The following LRRC27 variants were observed in gnomAD, a reference collection of about 807,000 sequenced individuals.
LRRC27 encodes leucine-rich repeat-containing protein 27.
A neutral mutation model predicts 55.0 loss-of-function variants in LRRC27; 57 were observed. That is an observed-to-expected ratio of 1.04 (90% CI 0.84 to 1.29). The LOEUF (loss-of-function observed/expected upper bound fraction) is 1.29. LRRC27 is among the 50% of genes most tolerant of loss of function. The pLI, the probability that LRRC27 is intolerant of heterozygous loss-of-function variation, is 0.00. For synonymous variants in LRRC27, 278 were observed against 251.9 expected, an observed-to-expected ratio of 1.10 and a Z score of -0.98; for missense variants, 721 against 651.5, an observed-to-expected ratio of 1.11 and a Z score of -1.16.
intron 10 of LRRC27, among the ~76,000 whole-genome samples, chr10:132,369,999 G>C (rs1243089941): frequency 6.6e-6 from 1 of 152,106 alleles, no homozygotes; most frequent in Non-Finnish European, 1.5e-5. Context: ...GTGCCACCTA[G>C]GAGGAAGGCG....
chr10:132,359,054 A>T (rs1467246688), intron 8 of LRRC27, among the ~76,000 whole-genome samples: 2 of 47,848 alleles, frequency 4.2e-5, no homozygotes, highest in African/African-American at 8.4e-5. Flanking sequence ...TGTGGGGAGG[A>T]GCCGAGGTGG....
In LRRC27 at chr10:132,377,519, G is replaced by C. The variant is rs907391179; in HGVS notation, c.*2277G>C. ...CCCTGCCATTGATGCTGTTGCTCTC[G>C]TCCGCCTCCCTTCCACAGGTAAGCA... is the stretch of plus-strand genomic sequence containing the variant. On this transcript the variant is annotated 3_prime_UTR_variant, in exon 11 of 11. Transcript: ENST00000368614. 1 of 152,050 alleles carries C rather than the reference G, an allele frequency of 6.6e-6. No homozygotes were observed. The highest frequency in any genetic ancestry group is 1.5e-5 in the Non-Finnish European group (1 of 68,046). 9.4% of individuals were successfully genotyped at this position (152,050 alleles called of 1,614,324 possible).
chr10:132,341,959 G>A (rs1189664811), intron 3 of LRRC27, among the ~76,000 whole-genome samples: 2 of 152,222 alleles, frequency 1.3e-5, no homozygotes, highest in Non-Finnish European at 2.9e-5. Context: ...GGCTGGAGGT[G>A]TACAATACCC....
chr10:132,335,646 C>A (rs1195110933), intron 2 of LRRC27, among the ~76,000 whole-genome samples: 1 of 152,062 alleles, frequency 6.6e-6, no homozygotes, highest in African/African-American at 2.4e-5. Context: ...GCAGGTTCCT[C>A]CCCTGGTTCC....
chr10:132,366,221 G>C (rs1177156852), intron 10 of LRRC27: 1 of 154,204 alleles, frequency 6.5e-6, no homozygotes, highest in African/African-American at 2.4e-5. Context: ...CCAGGGCTGG[G>C]CCATGAGGGG....
chr10:132,380,402 G>C lies in LRRC27; in HGVS notation c.*5160G>C, dbSNP rs2069396237. ...AGCCACCTCCTGTTGCTATTGCAGT[G>C]AGCGCAAGCATGTCAAGGATCCGCT... On this transcript the variant is annotated 3_prime_UTR_variant, in exon 11 of 11. Transcript: ENST00000368614. Among the ~76,000 whole-genome samples, 1 of 152,222 alleles carries C rather than the reference G, an allele frequency of 6.6e-6. No homozygotes were observed. The highest frequency in any genetic ancestry group is 1.5e-5 in the Non-Finnish European group (1 of 68,044).
rs753585040 is a variant in LRRC27 at position 132,375,090 on chromosome 10, T to C, written c.1441T>C (p.Leu481=). 2 of 1,613,770 alleles carry C rather than the reference T, an allele frequency of 1.2e-6. No homozygotes were observed. Among genetic ancestry groups the C allele is most frequent in the East Asian group, 2.2e-5 (1 of 44,876 alleles). Residue 481 remains leucine (L), a synonymous_variant, in exon 11 of 11, where the codon TTG becomes CTG. Coordinates refer to ENST00000368614, the MANE Select transcript of LRRC27 (RefSeq NM_030626.3). ...GGCCACAGAGCTACAGGATGAAGTA[T>C]TGAAGCTAAAATTGGGATTAACCTT... The part of the protein sequence containing the change: ...EIATELQDEV[L]KLKLGLTLNK...
intron 6 of LRRC27, 144 bp from the exon 7 acceptor site, chr10:132,351,463 C>T (rs2068005743): frequency 2.2e-6 from 2 of 902,000 alleles, no homozygotes; most frequent in African/African-American, 3.3e-5. Context: ...AGACTGGACT[C>T]TGGGGTGACT....
intron 6 of LRRC27, chr10:132,349,104 GC>G (rs1564836277): frequency 7.8e-7 from 1 of 1,276,732 alleles, no homozygotes; most frequent in South Asian, 1.3e-5. Flanking sequence ...TGGTGTGTGT[GC>G]CTGTGTGTGT....
At chr10:132,367,431 T>C (rs887664223) in intron 10 of LRRC27, among the ~76,000 whole-genome samples, 1 of 152,120 alleles carries the variant, frequency 6.6e-6, no homozygotes, top group African/African-American at 2.4e-5. Context: ...ACCAAAACCA[T>C]ACAAAGATAT....
chr10:132,376,334 TAGAG>T lies in LRRC27; in HGVS notation c.*1096_*1099del, dbSNP rs1169841325. On this transcript the variant is annotated 3_prime_UTR_variant, in exon 11 of 11. Transcript: ENST00000368614. ...ACTTTCCGAGAGTTTAACTGGTGCTTAGAGAGAAATGCATCACTTCCAAACCCAT... is the reference window on the plus strand; with the variant it reads ...ACTTTCCGAGAGTTTAACTGGTGCTTAGAAATGCATCACTTCCAAACCCAT... The T allele has an allele frequency of 2.6e-5, 4 of 152,252 alleles. No homozygotes were observed. Among genetic ancestry groups the T allele is most frequent in the African/African-American group, 9.6e-5 (4 of 41,464 alleles). The allele number at this position is 152,252 out of a possible 1,614,324, so 9.4% of individuals were successfully genotyped here. A position where few individuals can be genotyped will look rare whatever the true frequency, so the allele number is the denominator to read the frequency against.
At position 132,337,566 on chromosome 10, in the gene LRRC27, A is replaced by G. The variant is rs1369095756; in HGVS notation, c.212A>G (p.Gln71Arg). 6.2e-7 allele frequency: 1 copy of G among 1,612,248 alleles called. No individual in the cohort carries two copies. Among genetic ancestry groups the G allele is most frequent in the Non-Finnish European group, 8.5e-7 (1 of 1,179,406 alleles). Residue 71 changes from glutamine to arginine, a missense_variant and splice_region_variant, in exon 3 of 11, where the codon CAA becomes CGA. Transcript: ENST00000368614. ...CTCTGATTCTCTTTTCCATGGAAGC[A>G]ATTGCATCTGCAAAGGAATGCCCTG... ...EEVFRIPSLQ[Q>R]LHLQRNALCV...
chr10:132,353,076 A>T, intron 7 of LRRC27: 2 of 1,525,666 alleles, frequency 1.3e-6, no homozygotes, highest in Admixed American at 4.0e-5. Flanking sequence ...CCTGGGCCCC[A>T]GGAGTCCGGC....
intron 5 of LRRC27, among the ~76,000 whole-genome samples, chr10:132,346,088 A>G (rs916402535): frequency 6.6e-6 from 1 of 152,164 alleles, no homozygotes; most frequent in Admixed American, 6.5e-5. Context: ...GTCTGAAGTT[A>G]CCCTTGAGTG....
chr10:132,331,795 T>G, upstream of LRRC27: 1 of 1,600,058 alleles, frequency 6.2e-7, no homozygotes. Context: ...CCTCGCGGTC[T>G]CTACTTGCCC....
rs116377146 is a variant in LRRC27 at position 132,337,196 on chromosome 10, C to T, written c.211-369C>T. 1,988 of 1,169,560 alleles carry T rather than the reference C, an allele frequency of 1.7e-3. 26 individuals are homozygous for T. In the African/African-American group the frequency reaches 0.024, roughly 14 times the overall value. 72.4% of individuals were successfully genotyped at this position (1,169,560 alleles called of 1,614,324 possible). ...GTAAGCAGGCGATTTCGGGGGCTGC[C>T]GAGGGCCAGGTGCTGCGGCAGGCAC... On this transcript the variant is annotated intron_variant, in intron 2 of 10. Transcript: ENST00000368614.
At chr10:132,368,865 C>T (rs2069154660) in intron 10 of LRRC27, among the ~76,000 whole-genome samples, 1 of 152,094 alleles carries the variant, frequency 6.6e-6, no homozygotes, top group African/African-American at 2.4e-5. Flanking sequence ...TAAGACAGGC[C>T]ACAGACTGGG....
At chr10:132,368,847 C>G (rs1221916617) in intron 10 of LRRC27, among the ~76,000 whole-genome samples, 1 of 151,976 alleles carries the variant, frequency 6.6e-6, no homozygotes, top group Non-Finnish European at 1.5e-5. Flanking sequence ...AAGACACTGC[C>G]AAAAGGATAA....
intron 8 of LRRC27, among the ~76,000 whole-genome samples, chr10:132,361,034 C>T (rs1282919690): frequency 6.6e-6 from 1 of 152,216 alleles, no homozygotes; most frequent in African/African-American, 2.4e-5. Context: ...TGGGTCCTCC[C>T]AGGTCTCCCT....
Sources: gnomAD v4.1 joint callset for allele counts (sites outside exome capture counted in the v4.1 genomes callset) on GRCh38, gnomAD v4.1.1 for gene constraint, MANE v1.5 for transcripts, NCBI Gene and HGNC (gene_info 2026-07-23, HGNC 2026-07-21) for gene names.